The following HIBCH variants were observed in gnomAD, a reference collection of about 807,000 sequenced individuals.
The protein encoded by HIBCH is 3-hydroxyisobutyryl-CoA hydrolase.
Under a neutral mutation model 58.2 loss-of-function variants are expected in HIBCH, and 50 were observed. The observed-to-expected ratio is 0.86, with a 90% CI of 0.68 to 1.09. The LOEUF is 1.09. Among genes scored for constraint, HIBCH ranks in the 50% least tolerant of loss-of-function variants. The probability of loss-of-function intolerance (pLI) is 0.00; values close to 1 mark genes in which losing one functional copy is unlikely to be tolerated. For synonymous variants in HIBCH, 151 were observed against 146.9 expected, an observed-to-expected ratio of 1.03 and a Z score of -0.20; for missense variants, 450 against 449.7, an observed-to-expected ratio of 1.00 and a Z score of -0.01.
intron 6 of HIBCH, among the ~76,000 whole-genome samples, chr2:190,266,958 C>T (rs291421): frequency 0.72 from 109,229 of 150,824 alleles, 39,942 homozygotes; most frequent in South Asian, 0.76. Flanking sequence ...GGTTTCACCA[C>T]GTTGGCTAGG....
chr2:190,195,941 CTTT>C (rs35679833), intron 1 of HIBCH, among the ~76,000 whole-genome samples: 31 of 86,192 alleles, frequency 3.6e-4, no homozygotes, highest in Middle Eastern at 0.01. Context: ...CTGTGTCCAG[CTTT>C]TTTTTTTTTT....
chr2:190,305,451 A>T (rs1321864872), intron 2 of HIBCH, among the ~76,000 whole-genome samples: 1 of 152,118 alleles, frequency 6.6e-6, no homozygotes, highest in Non-Finnish European at 1.5e-5. Context: ...TCTTCACGTG[A>T]CATTATCCTG....
chr2:190,230,564 G>A (rs1026512663), intron 11 of HIBCH, among the ~76,000 whole-genome samples: 17 of 152,150 alleles, frequency 1.1e-4, no homozygotes, highest in African/African-American at 3.4e-4. Context: ...GTGTGGTGGC[G>A]CGTGCCTATA....
intron 7 of HIBCH, among the ~76,000 whole-genome samples, chr2:190,256,577 A>G (rs945265796): frequency 2.0e-5 from 3 of 152,168 alleles, no homozygotes; most frequent in East Asian, 1.9e-4. Context: ...AGCACCCGAC[A>G]AAGTAAAGTT....
chr2:190,205,457 CTCA>C lies in HIBCH; in HGVS notation c.1046-228_1046-226del, dbSNP rs998042972. Among the ~76,000 whole-genome samples, 6 of 152,092 alleles carry C rather than the reference CTCA, an allele frequency of 3.9e-5. 1 individual carries two copies. Among genetic ancestry groups the C allele is most frequent in the Admixed American group, 3.9e-4 (6 of 15,258 alleles). On this transcript the variant is annotated intron_variant, in intron 13 of 13. Coordinates refer to ENST00000359678, the MANE Select transcript of HIBCH (RefSeq NM_014362.4). ...GTGGATATTTTCTAACTTCCTAAGC[CTCA>C]TGTCTTAGCTTTAATAAAGCCTACT...
At chr2:190,299,787 A>G (rs1453617006) in intron 2 of HIBCH, among the ~76,000 whole-genome samples, 7 of 152,098 alleles carry the variant, frequency 4.6e-5, no homozygotes, top group Admixed American at 1.3e-4. Context: ...AGAACCCAAC[A>G]GTTATTTTTT....
At chr2:190,311,426 T>C (rs980628984) in intron 1 of HIBCH, among the ~76,000 whole-genome samples, 3 of 152,216 alleles carry the variant, frequency 2.0e-5, no homozygotes, top group Non-Finnish European at 2.9e-5. Context: ...CATCAACTTA[T>C]AACTACTCTA....
chr2:190,244,117 T>C (rs1021184033), intron 11 of HIBCH, among the ~76,000 whole-genome samples: 5 of 150,966 alleles, frequency 3.3e-5, no homozygotes, highest in Non-Finnish European at 5.9e-5. Flanking sequence ...TATGGAATCA[T>C]GATGTGGAGC....
Position 190,190,644 on chromosome 2 carries a change from G to A in HIBCH, c.*18-647C>T, listed in dbSNP as rs1475452147. Among the ~76,000 whole-genome samples the A allele has an allele frequency of 2.6e-5, 4 of 152,224 alleles. No individual in the cohort carries two copies. The East Asian group carries it at 7.7e-4, about 29-fold the overall frequency. ...AAACAGCCAAGGAATTCTTTAAAAT[G>A]GTTGTACCATTTTACATTCCTTCCA... is the stretch of plus-strand genomic sequence containing the variant. On this transcript the variant is annotated intron_variant, in intron 1 of 1. Coordinates refer to the HIBCH transcript ENST00000399855.
downstream of HIBCH, chr2:190,203,102 AT>A (rs1045169464): frequency 6.0e-6 from 1 of 167,094 alleles, no homozygotes; most frequent in Non-Finnish European, 1.5e-5. Flanking sequence ...TGATACGCAT[AT>A]ATCCTACTCA....
Position 190,209,042 on chromosome 2 carries a change from T to C in HIBCH, c.1012-129A>G, listed in dbSNP as rs2105898593. 2 of 782,582 alleles carry C rather than the reference T, an allele frequency of 2.6e-6. No individual in the cohort carries two copies. The highest frequency in any genetic ancestry group is 4.4e-6 in the Non-Finnish European group (2 of 455,384). The allele number at this position is 782,582 out of a possible 1,614,324, so 48.5% of individuals were successfully genotyped here. A position where few individuals can be genotyped will look rare whatever the true frequency, so the allele number is the denominator to read the frequency against. On this transcript the variant is annotated intron_variant, in intron 12 of 13. Transcript: ENST00000359678. The surrounding 1 kb of genome is among the most constrained non-coding windows in gnomAD (Gnocchi z 5.6). ...AACCTGAACCATGACATTCAGAGAC[T>C]GAACCACCTCTGATAGCCCACTCTC...
intron 11 of HIBCH, among the ~76,000 whole-genome samples, chr2:190,239,184 C>T (rs1376394021): frequency 6.6e-6 from 1 of 152,192 alleles, no homozygotes; most frequent in East Asian, 1.9e-4. Context: ...CTGCATATGG[C>T]TAGCCAAGTT....
Position 190,315,562 on chromosome 2 carries a change from T to C in HIBCH, c.35+4154A>G, listed in dbSNP as rs1429545231. Among the ~76,000 whole-genome samples, 1 of 152,188 alleles carries C rather than the reference T, an allele frequency of 6.6e-6. No individual in the cohort carries two copies. Among genetic ancestry groups the C allele is most frequent in the Non-Finnish European group, 1.5e-5 (1 of 68,032 alleles). On this transcript the variant is annotated intron_variant, in intron 1 of 13. Coordinates refer to ENST00000359678, the MANE Select transcript of HIBCH (RefSeq NM_014362.4). The surrounding 1 kb of genome is among the most constrained non-coding windows in gnomAD (Gnocchi z 5.4). ...TTGCAATTATCCAATAAAACAAACA[T>C]GGCCTCACGAAATTAAACAACTACA...
rs1401670232 is a variant in HIBCH, at chr2:190,206,498, T to G, written c.1046-1266A>C. Reference sequence around the variant, plus strand: ...ATTTTATTTCAAGCTAACAATTTTTTTACTAGAATACATACAAGTTCGTGC... The same window carrying G: ...ATTTTATTTCAAGCTAACAATTTTTGTACTAGAATACATACAAGTTCGTGC... On this transcript the variant is annotated intron_variant, in intron 13 of 13. Coordinates refer to ENST00000359678, the MANE Select transcript of HIBCH (RefSeq NM_014362.4). This position sits in a 1 kb window ranked among gnomAD's most constrained non-coding sequence, Gnocchi z 5.1. Among the ~76,000 whole-genome samples, 1 of 152,208 alleles carries G rather than the reference T, an allele frequency of 6.6e-6. No homozygotes were observed. Among genetic ancestry groups the G allele is most frequent in the Non-Finnish European group, 1.5e-5 (1 of 68,026 alleles).
At chr2:190,240,678 G>A (rs1037923609) in intron 11 of HIBCH, among the ~76,000 whole-genome samples, 8 of 152,104 alleles carry the variant, frequency 5.3e-5, no homozygotes, top group African/African-American at 7.2e-5. Context: ...ATTCTGGTAC[G>A]TTGTGTCTTT....
chr2:190,219,004 C>T (rs539960294), intron 11 of HIBCH, among the ~76,000 whole-genome samples: 1 of 152,276 alleles, frequency 6.6e-6, no homozygotes, highest in South Asian at 2.1e-4. Context: ...TCTTCATATA[C>T]CCCAGGCTAA....
At position 190,293,397 on chromosome 2, in the gene HIBCH, G is replaced by T. The variant is rs76099630; in HGVS notation, c.304+1149C>A. On this transcript the variant is annotated intron_variant, in intron 4 of 13. Coordinates refer to ENST00000359678, the MANE Select transcript of HIBCH (RefSeq NM_014362.4). ...GAACCTGGGAGGTGGAGGTTGCAGC[G>T]AGCAGAGATCACGTGACTGCACTCC... is the stretch of plus-strand genomic sequence containing the variant. 1.9e-4 allele frequency among the ~76,000 whole-genome samples: 29 copies of T among 151,976 alleles called. No individual in the cohort carries two copies. In the East Asian group the frequency reaches 5.6e-3, roughly 29 times the overall value.
At chr2:190,213,146 G>A (rs554416272) in intron 11 of HIBCH, 71 bp from the exon 12 acceptor site, 4 of 1,203,398 alleles carry the variant, frequency 3.3e-6, no homozygotes, top group South Asian at 2.4e-5. Context: ...TGGGCAGAGT[G>A]TCTATGTAAA....
At chr2:190,293,713 A>G (rs1575754854) in intron 4 of HIBCH, among the ~76,000 whole-genome samples, 3 of 151,970 alleles carry the variant, frequency 2.0e-5, no homozygotes, top group African/African-American at 7.2e-5. Context: ...AAACAAACAT[A>G]TAAAATTAAA....
Sources: allele counts gnomAD v4.1 joint callset (sites outside exome capture counted in the v4.1 genomes callset), GRCh38; gene constraint gnomAD v4.1.1; non-coding constraint Gnocchi (gnomAD v3.1); transcripts MANE v1.5; gene names NCBI Gene and HGNC (gene_info 2026-07-23, HGNC 2026-07-21).